KIAA1328: variants seen among roughly 807,000 people sequenced by gnomAD.
KIAA1328 encodes the protein KIAA1328.
Under a neutral mutation model 68.1 loss-of-function variants are expected in KIAA1328, and 52 were observed. The ratio of observed to expected loss-of-function variants is 0.76; its 90% CI spans 0.61 to 0.96. The LOEUF is 0.96. KIAA1328 is among the 40% of genes least tolerant of loss of function. KIAA1328 has a pLI of 0.00. For missense variants in KIAA1328, 641 were observed against 677.6 expected (o/e 0.95, Z 0.60); for synonymous variants, 232 against 239.4 (o/e 0.97, Z 0.28).
intron 5 of KIAA1328, among the ~76,000 whole-genome samples, chr18:36,915,593 G>A (rs940153267): frequency 6.6e-6 from 1 of 152,126 alleles, no homozygotes; most frequent in African/African-American, 2.4e-5. Flanking sequence ...TTACTCATTA[G>A]GGAAATGCAA....
intron 6 of KIAA1328, among the ~76,000 whole-genome samples, chr18:37,057,183 C>A (rs2151691618): frequency 6.6e-6 from 1 of 152,154 alleles, no homozygotes; most frequent in South Asian, 2.1e-4. Context: ...GGGTTTTGAG[C>A]ATATTCATAG....
At chr18:37,226,427 C>T (rs193169986), downstream of KIAA1328, among the ~76,000 whole-genome samples, 4 of 152,234 alleles carry the variant, frequency 2.6e-5, no homozygotes, top group South Asian at 4.1e-4. Context: ...TTCATCACTC[C>T]GAAGAGAAAC....
intron 5 of KIAA1328, chr18:36,895,642 G>T: frequency 2.5e-6 from 1 of 398,284 alleles, no homozygotes; most frequent in South Asian, 1.9e-5. Flanking sequence ...GGCTTAGCAA[G>T]GTTCGTTTGC....
chr18:36,909,918 G>T (rs1344608827), intron 5 of KIAA1328, among the ~76,000 whole-genome samples: 2 of 152,172 alleles, frequency 1.3e-5, no homozygotes, highest in Non-Finnish European at 2.9e-5. Context: ...TCTGTTGGCT[G>T]CATAAATGTC....
intron 5 of KIAA1328, among the ~76,000 whole-genome samples, chr18:36,915,939 A>C (rs1377981970): frequency 6.6e-6 from 1 of 152,204 alleles, no homozygotes; most frequent in African/African-American, 2.4e-5. Context: ...AATGTCTTTC[A>C]GTGAGTGGGT....
intron 5 of KIAA1328, among the ~76,000 whole-genome samples, chr18:36,923,490 T>TA (rs745605279): frequency 1.3e-5 from 2 of 151,974 alleles, no homozygotes; most frequent in Non-Finnish European, 2.9e-5. Context: ...CTATAGATCT[T>TA]AAAAAAAGGG....
In KIAA1328 at chr18:37,222,560, G is replaced by T; in HGVS notation, c.*333G>T. The T allele has an allele frequency of 9.1e-7, 1 of 1,095,164 alleles. No individual in the cohort carries two copies. Among genetic ancestry groups the T allele is most frequent in the Non-Finnish European group, 1.1e-6 (1 of 897,940 alleles). The allele number at this position is 1,095,164 out of a possible 1,614,324, so 67.8% of individuals were successfully genotyped here. ...AAGAGTGTTTCCTTCTCAAACTTCT[G>T]CTAGAAAATGCTGACTCACTTTTAT... On this transcript the variant is annotated 3_prime_UTR_variant, in exon 10 of 10. Transcript: ENST00000280020.
chr18:37,084,180 A>G, intron 7 of KIAA1328: 3 of 1,527,000 alleles, frequency 2.0e-6, no homozygotes, highest in Non-Finnish European at 2.6e-6. Flanking sequence ...AAAACAGCTT[A>G]CTAAACCCCA....
intron 9 of KIAA1328, among the ~76,000 whole-genome samples, chr18:37,196,338 A>T (rs914408619): frequency 2.6e-5 from 4 of 152,156 alleles, no homozygotes; most frequent in Non-Finnish European, 5.9e-5. Context: ...AAAACTGGTG[A>T]AAGTGAGCAT....
intron 6 of KIAA1328, among the ~76,000 whole-genome samples, chr18:36,990,741 A>T (rs948101136): frequency 3.9e-5 from 6 of 151,968 alleles, no homozygotes; most frequent in Non-Finnish European, 5.9e-5. Flanking sequence ...AGCAGTGAAC[A>T]TCCTTGTACA....
At chr18:36,908,157 C>G (rs1054833015) in intron 5 of KIAA1328, among the ~76,000 whole-genome samples, 9 of 152,086 alleles carry the variant, frequency 5.9e-5, no homozygotes, top group Non-Finnish European at 1.2e-4. Flanking sequence ...AAATTTCTTT[C>G]TAACTTAAAA....
At chr18:36,970,533 A>T (rs957136276) in intron 6 of KIAA1328, among the ~76,000 whole-genome samples, 1 of 152,214 alleles carries the variant, frequency 6.6e-6, no homozygotes, top group African/African-American at 2.4e-5. Flanking sequence ...TGCAGATGAT[A>T]TGAGTGTATA....
intron 3 of KIAA1328, among the ~76,000 whole-genome samples, chr18:36,841,257 G>C (rs1199804540): frequency 1.3e-5 from 2 of 151,832 alleles, no homozygotes; most frequent in Non-Finnish European, 2.9e-5. Context: ...TGGCCATATT[G>C]CTTTATTTTT....
chr18:37,087,550 A>C (rs1052734399), intron 7 of KIAA1328, among the ~76,000 whole-genome samples: 1 of 152,120 alleles, frequency 6.6e-6, no homozygotes, highest in African/African-American at 2.4e-5. Context: ...TTTTTCCACA[A>C]ATGTCTGATG....
At chr18:36,833,094 G>A (rs558625779) in intron 1 of KIAA1328, 4 of 151,982 alleles carry the variant, frequency 2.6e-5, no homozygotes, top group East Asian at 3.9e-4. Flanking sequence ...TGCCCACCTC[G>A]GCCTCCCAAA....
At chr18:37,026,376 G>A (rs554500418) in intron 6 of KIAA1328, among the ~76,000 whole-genome samples, 23 of 152,180 alleles carry the variant, frequency 1.5e-4, no homozygotes, top group South Asian at 1.2e-3. Flanking sequence ...CATTTTATGA[G>A]GCCAACATCA....
intron 6 of KIAA1328, among the ~76,000 whole-genome samples, chr18:37,034,019 T>G (rs928840487): frequency 1.3e-5 from 2 of 152,224 alleles, no homozygotes; most frequent in Non-Finnish European, 2.9e-5. Context: ...TTTTTTCTCC[T>G]GGGTAGATAA....
intron 9 of KIAA1328, among the ~76,000 whole-genome samples, chr18:37,209,775 G>A (rs2060281940): frequency 6.6e-6 from 1 of 152,114 alleles, no homozygotes; most frequent in Admixed American, 6.5e-5. Context: ...AAAGAGTTCT[G>A]TTTTGGATAG....
chr18:37,121,626 G>T (rs1171527164), intron 7 of KIAA1328, among the ~76,000 whole-genome samples: 1 of 152,042 alleles, frequency 6.6e-6, no homozygotes, highest in East Asian at 1.9e-4. Flanking sequence ...TTAGCTGTAG[G>T]TGAATTACTT....
Sources: gnomAD v4.1 joint callset for allele counts (sites outside exome capture counted in the v4.1 genomes callset) on GRCh38, gnomAD v4.1.1 for gene constraint, MANE v1.5 for transcripts, NCBI Gene and HGNC (gene_info 2026-07-23, HGNC 2026-07-21) for gene names.